The following SCAPER variants were observed in gnomAD, a reference collection of about 807,000 sequenced individuals.
SCAPER encodes the protein S-phase cyclin A associated protein in the ER.
SCAPER carries 98 observed loss-of-function variants against 182.2 expected under a neutral mutation model. That is an observed-to-expected ratio of 0.54 (90% CI 0.46 to 0.64). SCAPER has a LOEUF of 0.64. Among genes scored for constraint, SCAPER ranks in the 30% least tolerant of loss-of-function variants. The pLI is 0.00. For missense variants in SCAPER, 1,432 were observed against 1,690.0 expected, an observed-to-expected ratio of 0.85 and a Z score of 2.68; for synonymous variants, 605 against 564.6, an observed-to-expected ratio of 1.07 and a Z score of -1.01.
chr15:76,722,138 G>A (rs1470884122), intron 17 of SCAPER, among the ~76,000 whole-genome samples: 1 of 152,056 alleles, frequency 6.6e-6, no homozygotes, highest in East Asian at 1.9e-4. Flanking sequence ...TAGCATGAAG[G>A]GTTGTTGAAT....
intron 21 of SCAPER, among the ~76,000 whole-genome samples, chr15:76,665,071 C>T (rs569123626): frequency 2.0e-5 from 3 of 152,286 alleles, no homozygotes; most frequent in East Asian, 1.9e-4. Flanking sequence ...GTCCTCGAAC[C>T]GGACTCATCC....
chr15:76,665,436 A>C (rs2056499964), intron 21 of SCAPER, among the ~76,000 whole-genome samples: 2 of 152,200 alleles, frequency 1.3e-5, no homozygotes, highest in South Asian at 4.1e-4. Context: ...GCATCCAATT[A>C]TAAGAAGAGC....
intron 21 of SCAPER, among the ~76,000 whole-genome samples, chr15:76,642,831 T>C (rs1277902152): frequency 6.6e-6 from 1 of 152,208 alleles, no homozygotes; most frequent in Non-Finnish European, 1.5e-5. Context: ...TTTTGAGATT[T>C]TTTCTAAGAT....
intron 5 of SCAPER, 79 bp downstream of exon 5, chr15:76,841,655 A>G (rs2069495483): frequency 1.4e-6 from 2 of 1,447,486 alleles, no homozygotes; most frequent in African/African-American, 2.9e-5. Context: ...TCAAAGAAAA[A>G]AAAAAGATCA....
chr15:76,900,097 G>GGGCGGC (rs548751182), intron 1 of SCAPER, among the ~76,000 whole-genome samples: 196 of 152,252 alleles, frequency 1.3e-3, no homozygotes, highest in African/African-American at 4.4e-3. Context: ...AATGGATTAA[G>GGGCGGC]GGCGGCGCAA....
intron 25 of SCAPER, among the ~76,000 whole-genome samples, chr15:76,445,082 C>T (rs1049257727): frequency 3.9e-5 from 6 of 152,078 alleles, no homozygotes; most frequent in South Asian, 2.1e-4. Context: ...ACCTGTCACC[C>T]GAATAGTGTA....
chr15:76,698,455 A>C (rs949871652), intron 20 of SCAPER, among the ~76,000 whole-genome samples: 3 of 152,202 alleles, frequency 2.0e-5, no homozygotes, highest in African/African-American at 7.2e-5. Context: ...AGTTGTACAA[A>C]ATACCCAAAG....
Position 76,533,213 on chromosome 15 carries a change from C to T in SCAPER, c.2839-28239G>A, listed in dbSNP as rs926262831. ...TTCAGAAGAGGAAATGGCAGGTAGG[C>T]AGTAAAGAAGGAAGTGCACTGTTAA... On this transcript the variant is annotated intron_variant, in intron 23 of 31. Transcript: ENST00000563290. Among the ~76,000 whole-genome samples, 6 of 151,964 alleles carry T rather than the reference C, an allele frequency of 3.9e-5. 1 individual carries two copies. In the East Asian group the frequency reaches 1.2e-3, roughly 29 times the overall value.
At chr15:76,530,060 G>A (rs930321316) in intron 23 of SCAPER, among the ~76,000 whole-genome samples, 2 of 152,144 alleles carry the variant, frequency 1.3e-5, no homozygotes, top group African/African-American at 4.8e-5. Context: ...AGTGTCTTAT[G>A]AGCAGGGTCT....
At chr15:76,873,312 AG>A (rs1595864122) in intron 2 of SCAPER, among the ~76,000 whole-genome samples, 1 of 117,072 alleles carries the variant, frequency 8.5e-6, no homozygotes, top group East Asian at 2.5e-4. Flanking sequence ...GAAGGAAGGA[AG>A]GAAGGAAGGA....
intron 27 of SCAPER, among the ~76,000 whole-genome samples, chr15:76,386,722 G>A (rs1384656140): frequency 6.6e-6 from 1 of 152,194 alleles, no homozygotes; most frequent in Non-Finnish European, 1.5e-5. Context: ...TTGGAGCCAG[G>A]AGCGTGCATG....
intron 23 of SCAPER, among the ~76,000 whole-genome samples, chr15:76,511,935 T>G (rs1446074964): frequency 1.3e-5 from 2 of 148,498 alleles, no homozygotes; most frequent in Non-Finnish European, 3.0e-5. Flanking sequence ...CAGGCTGGGG[T>G]GCAATGGCGT....
intron 21 of SCAPER, among the ~76,000 whole-genome samples, chr15:76,645,136 G>T (rs1412100288): frequency 6.6e-6 from 1 of 152,004 alleles, no homozygotes; most frequent in Non-Finnish European, 1.5e-5. Flanking sequence ...AAGTAATCTA[G>T]AGATGATTCA....
rs1381108865 is a variant in SCAPER, at chr15:76,708,424, A to G, written c.2166-2440T>C. Among the ~76,000 whole-genome samples the G allele has an allele frequency of 2.6e-5, 4 of 152,024 alleles. No homozygotes were observed. In the South Asian group the frequency reaches 8.3e-4, roughly 32 times the overall value. On this transcript the variant is annotated intron_variant, in intron 17 of 31. Transcript: ENST00000563290. ...AAAGATATGCTAAGAAAAAAAGTAT[A>G]CCTTTAAATATTTATATTAGAAATG...
At position 76,771,742 on chromosome 15, in the gene SCAPER, A is replaced by T; in HGVS notation, c.1248T>A (p.Asn416Lys). 6.2e-7 allele frequency: 1 copy of T among 1,611,698 alleles called. No individual in the cohort carries two copies. Among genetic ancestry groups the T allele is most frequent in the South Asian group, 1.1e-5 (1 of 90,992 alleles). Reference sequence around the variant, plus strand: ...TTCTTACCAAGTTAGCAGCACTCACATTTGAAATATCTGAAGGGTCCATTT... The same window carrying T: ...TTCTTACCAAGTTAGCAGCACTCACTTTTGAAATATCTGAAGGGTCCATTT... ...ENEMDPSDIS[N>K]SMAEVLAKKE... The change falls in exon 10 of 32, where the codon AAT becomes AAA. Residue 416 changes from asparagine (N) to lysine (K), a missense_variant and splice_region_variant. This residue lies in a region of SCAPER where 480 missense variants were observed against 510.2 expected (regional missense o/e 0.94). Transcript: ENST00000563290.
chr15:76,718,890 G>A (rs1425717229), intron 17 of SCAPER, among the ~76,000 whole-genome samples: 1 of 151,902 alleles, frequency 6.6e-6, no homozygotes, highest in East Asian at 1.9e-4. Context: ...ATTATCAAAA[G>A]GTCAAAAAAC....
At chr15:76,427,588 G>A (rs951143297) in intron 26 of SCAPER, among the ~76,000 whole-genome samples, 5 of 152,098 alleles carry the variant, frequency 3.3e-5, no homozygotes, top group African/African-American at 1.2e-4. Flanking sequence ...ACACATGCTT[G>A]TAATCCTAGC....
chr15:76,881,085 T>C (rs1227083931), intron 2 of SCAPER, among the ~76,000 whole-genome samples: 1 of 152,198 alleles, frequency 6.6e-6, no homozygotes, highest in Non-Finnish European at 1.5e-5. Context: ...AACAGTTCTT[T>C]ACTATTTTAT....
intron 29 of SCAPER, among the ~76,000 whole-genome samples, chr15:76,374,755 G>C (rs1190085378): frequency 6.6e-6 from 1 of 151,846 alleles, no homozygotes; most frequent in African/African-American, 2.4e-5. Flanking sequence ...CCAAAGTGCA[G>C]GGATTATAGG....
Sources: allele counts gnomAD v4.1 joint callset (sites outside exome capture counted in the v4.1 genomes callset), GRCh38; gene constraint gnomAD v4.1.1; regional missense constraint gnomAD v4.1.1; transcripts MANE v1.5; gene names NCBI Gene and HGNC (gene_info 2026-07-23, HGNC 2026-07-21).